The following MKLN1 variants were observed in gnomAD, a reference collection of about 807,000 sequenced individuals.
MKLN1 encodes muskelin.
Under a neutral mutation model 99.0 loss-of-function variants are expected in MKLN1, and 18 were observed. The ratio of observed to expected loss-of-function variants is 0.18; its 90% CI spans 0.13 to 0.27. The LOEUF is 0.27. MKLN1 is among the 10% of genes least tolerant of loss of function. The pLI is 1.00. For synonymous variants in MKLN1, 288 were observed against 293.2 expected (o/e 0.98, Z 0.18); for missense variants, 621 against 875.9 (o/e 0.71, Z 3.67).
chr7:131,157,357 T>C lies in MKLN1; in HGVS notation c.-297+14416T>C, dbSNP rs186078243. On this transcript the variant is annotated intron_variant, in intron 2 of 7. Transcript: ENST00000416992. ...AGGCTGCAGTGAGCCATGTTCACAA[T>C]ACTGCACTCCAGCCCGGCTGACAGA... is the stretch of plus-strand genomic sequence containing the variant. 3.9e-4 allele frequency among the ~76,000 whole-genome samples: 59 copies of C among 152,274 alleles called. 1 individual carries two copies. The highest frequency in any genetic ancestry group is 1.3e-3 in the African/African-American group (52 of 41,566).
intron 1 of MKLN1, among the ~76,000 whole-genome samples, chr7:131,329,541 G>A (rs749584713): frequency 1.3e-5 from 2 of 152,162 alleles, no homozygotes; most frequent in Non-Finnish European, 2.9e-5. Context: ...TAGGATTATG[G>A]ACAGTTGGGA....
intron 5 of MKLN1, among the ~76,000 whole-genome samples, chr7:131,398,243 A>T (rs1009098621): frequency 2.0e-5 from 3 of 152,198 alleles, no homozygotes; most frequent in African/African-American, 7.2e-5. Context: ...TGAAGTTGAG[A>T]TTTTTTTAAA....
At position 131,161,963 on chromosome 7, in the gene MKLN1, GTATATATATATATATATATA is replaced by G. The variant is rs71168374; in HGVS notation, c.-297+19040_-297+19059del. Among the ~76,000 whole-genome samples, 158 of 109,286 alleles carry G rather than the reference GTATATATATATATATATATA, an allele frequency of 1.4e-3. 1 individual carries two copies. Among genetic ancestry groups the G allele is most frequent in the Middle Eastern group, 0.011 (2 of 182 alleles). The allele number at this position is 109,286 out of a possible 152,430, so 71.7% of individuals were successfully genotyped here. A position where few individuals can be genotyped will look rare whatever the true frequency, so the allele number is the denominator to read the frequency against. On this transcript the variant is annotated intron_variant, in intron 2 of 7. Transcript: ENST00000416992. Reference sequence around the variant, plus strand: ...CACATATATATACGTGTGTGTGTGTGTATATATATATATATATATATATATATATATATATATGTAACAGA... The same window carrying G: ...CACATATATATACGTGTGTGTGTGTGTATATATATATATATATGTAACAGA...
intron 2 of MKLN1, among the ~76,000 whole-genome samples, chr7:131,202,253 G>A (rs1208108999): frequency 3.0e-5 from 4 of 135,448 alleles, no homozygotes; most frequent in African/African-American, 5.4e-5. Context: ...TCTGCCTCCC[G>A]AGTTCAAGCG....
At chr7:131,302,784 A>G (rs1416769411) in intron 3 of MKLN1, among the ~76,000 whole-genome samples, 1 of 152,230 alleles carries the variant, frequency 6.6e-6, no homozygotes, top group Non-Finnish European at 1.5e-5. Context: ...CCATTAGTCC[A>G]GAAAATAAAA....
At chr7:131,352,850 T>C (rs915381256) in intron 1 of MKLN1, among the ~76,000 whole-genome samples, 6 of 152,214 alleles carry the variant, frequency 3.9e-5, no homozygotes, top group Non-Finnish European at 7.4e-5. Flanking sequence ...TGTTTCTGCA[T>C]GTAAAACATT....
intron 3 of MKLN1, among the ~76,000 whole-genome samples, chr7:131,295,632 T>A (rs1041951519): frequency 2.0e-5 from 3 of 152,048 alleles, no homozygotes; most frequent in Non-Finnish European, 4.4e-5. Context: ...ACGCCTATAA[T>A]CCCAACACTT....
At chr7:131,113,455 C>T (rs867002352) in intron 1 of MKLN1, among the ~76,000 whole-genome samples, 2 of 152,106 alleles carry the variant, frequency 1.3e-5, no homozygotes, top group Non-Finnish European at 2.9e-5. Context: ...AAAGTTTGAA[C>T]TTATTCTAAG....
At chr7:131,248,216 A>G (rs1422393073) in intron 3 of MKLN1, among the ~76,000 whole-genome samples, 2 of 152,172 alleles carry the variant, frequency 1.3e-5, no homozygotes, top group Non-Finnish European at 2.9e-5. Flanking sequence ...GTGAGAAGAA[A>G]AAAAAGAATA....
chr7:131,206,739 A>G (rs1205848108), intron 3 of MKLN1, among the ~76,000 whole-genome samples: 1 of 151,744 alleles, frequency 6.6e-6, no homozygotes, highest in Non-Finnish European at 1.5e-5. Flanking sequence ...TTATTTTTTT[A>G]GAGATGGGGT....
Position 131,133,820 on chromosome 7 carries a change from G to GTTTT in MKLN1, c.-418-8977_-418-8974dup, listed in dbSNP as rs1563226583. On this transcript the variant is annotated intron_variant, in intron 1 of 7. Coordinates refer to the MKLN1 transcript ENST00000416992. ...CTTCTTTTTTTTTTTTTTTAATTTG[G>GTTTT]TTTTTTTTTTTTTTTTTTTTTTTTT... 6.2e-4 allele frequency among the ~76,000 whole-genome samples: 15 copies of GTTTT among 24,068 alleles called. 1 individual carries two copies. The highest frequency in any genetic ancestry group is 1.9e-3 in the East Asian group (1 of 538). The allele number at this position is 24,068 out of a possible 152,430, so 15.8% of individuals were successfully genotyped here. A position where few individuals can be genotyped will look rare whatever the true frequency, so the allele number is the denominator to read the frequency against.
intron 3 of MKLN1, among the ~76,000 whole-genome samples, chr7:131,309,434 CTT>C (rs1246443881): frequency 7.2e-5 from 11 of 151,954 alleles, no homozygotes; most frequent in South Asian, 2.1e-4. Context: ...CAGTTTCACT[CTT>C]GTCACCCATG....
chr7:131,387,576 T>C (rs1323937492), intron 3 of MKLN1, among the ~76,000 whole-genome samples: 2 of 152,190 alleles, frequency 1.3e-5, no homozygotes, highest in Non-Finnish European at 2.9e-5. Context: ...AATTTTTTGC[T>C]ATAATCTTTG....
Position 131,272,677 on chromosome 7 carries a change from C to T in MKLN1, c.-179+69703C>T, listed in dbSNP as rs558508588. Among the ~76,000 whole-genome samples, 3 of 152,194 alleles carry T rather than the reference C, an allele frequency of 2.0e-5. No homozygotes were observed. The East Asian group carries it at 5.8e-4, about 29-fold the overall frequency. ...TTACAGTTCCACATGGCTGGGGAGG[C>T]CTCAGAATCATGGTGGGAGGTGAAA... is the stretch of plus-strand genomic sequence containing the variant. On this transcript the variant is annotated intron_variant, in intron 3 of 7. Coordinates refer to the MKLN1 transcript ENST00000416992.
At chr7:131,143,038 CATCAGAAGATG>C in intron 2 of MKLN1, 1 of 837,098 alleles carries the variant, frequency 1.2e-6, no homozygotes, top group Non-Finnish European at 1.7e-6. Flanking sequence ...CTGGAGTCTT[CATCAGAAGATG>C]TGACTGGAGT....
chr7:131,221,127 T>C (rs1347186897), intron 3 of MKLN1, among the ~76,000 whole-genome samples: 2 of 152,242 alleles, frequency 1.3e-5, no homozygotes, highest in East Asian at 3.8e-4. Flanking sequence ...CTTTTCCTTG[T>C]GTTCTGTAAC....
chr7:131,306,201 T>A (rs1473079943), intron 3 of MKLN1, among the ~76,000 whole-genome samples: 2 of 152,184 alleles, frequency 1.3e-5, no homozygotes, highest in African/African-American at 4.8e-5. Flanking sequence ...CAATTAAACC[T>A]CCTTTCTTCA....
intron 8 of MKLN1, among the ~76,000 whole-genome samples, chr7:131,418,321 A>G (rs988185734): frequency 6.9e-6 from 1 of 143,956 alleles, no homozygotes; most frequent in Non-Finnish European, 1.5e-5. Flanking sequence ...GTGAGGCGAG[A>G]TTGCGCCATC....
At chr7:131,355,093 C>T (rs1255589191) in intron 1 of MKLN1, among the ~76,000 whole-genome samples, 1 of 152,004 alleles carries the variant, frequency 6.6e-6, no homozygotes, top group Non-Finnish European at 1.5e-5. Context: ...TCTTTTATTT[C>T]ACTGTTTTGT....
Sources: allele counts gnomAD v4.1 joint callset (sites outside exome capture counted in the v4.1 genomes callset), GRCh38; gene constraint gnomAD v4.1.1; transcripts MANE v1.5; gene names NCBI Gene and HGNC (gene_info 2026-07-23, HGNC 2026-07-21).